The following DTD2 variants were observed in gnomAD, a reference collection of about 807,000 sequenced individuals.
The protein encoded by DTD2 is D-aminoacyl-tRNA deacylase 2.
In DTD2, 12 loss-of-function variants were observed where a neutral mutation model predicts 15.5. That is an observed-to-expected ratio of 0.77 (90% CI 0.50 to 1.25). The LOEUF is 1.25. Ranked by LOEUF, DTD2 falls within the 50% of genes most tolerant of loss-of-function variation. The probability of loss-of-function intolerance (pLI) is 0.00; values close to 1 mark genes in which losing one functional copy is unlikely to be tolerated. For missense variants in DTD2, 170 were observed against 201.1 expected (o/e 0.85, Z 0.93); for synonymous variants, 59 against 77.3 (o/e 0.76, Z 1.24).
intron 1 of DTD2, among the ~76,000 whole-genome samples, chr14:31,456,316 G>A (rs1249452040): frequency 6.6e-6 from 1 of 152,144 alleles, no homozygotes; most frequent in African/African-American, 2.4e-5. Flanking sequence ...AACCCGGGAG[G>A]CGGAGGTTGC....
At chr14:31,456,246 CGT>C (rs1401083476) in intron 1 of DTD2, among the ~76,000 whole-genome samples, 2 of 151,900 alleles carry the variant, frequency 1.3e-5, no homozygotes, top group Non-Finnish European at 2.9e-5. Flanking sequence ...TACAAGTTAG[CGT>C]GGTAGCTTGC....
rs1323904648 is a variant in DTD2, at chr14:31,453,355, T to C, written c.112-11A>G. On this transcript the variant is annotated splice_polypyrimidine_tract_variant and intron_variant, in intron 1 of 2. Coordinates refer to ENST00000310850, the MANE Select transcript of DTD2 (RefSeq NM_080664.3). Reference sequence around the variant, plus strand: ...CAGTCCTCTTTGGACCTATGAGAAATCACCACAGTAAACTCAGATTACAAC... The same window carrying C: ...CAGTCCTCTTTGGACCTATGAGAAACCACCACAGTAAACTCAGATTACAAC... 44 of 1,613,214 alleles carry C rather than the reference T, an allele frequency of 2.7e-5. No homozygotes were observed. The highest frequency in any genetic ancestry group is 3.7e-5 in the Non-Finnish European group (44 of 1,179,486).
intron 1 of DTD2, among the ~76,000 whole-genome samples, chr14:31,454,415 C>T (rs2032072789): frequency 6.6e-6 from 1 of 152,206 alleles, no homozygotes. Context: ...GCTCTGCACT[C>T]ACACGTGATT....
rs755435786 is a variant in DTD2, at chr14:31,453,050, G to T, written c.181+225C>A. Among the ~76,000 whole-genome samples the T allele has an allele frequency of 2.0e-5, 3 of 150,998 alleles. 1 individual carries two copies. The highest frequency in any genetic ancestry group is 7.3e-5 in the African/African-American group (3 of 41,038). ...CCTCCTGGCCTCAAGTAATCTTCCAGCCTCAGCCTCCTAAGTAGCTAGGAC... is the reference window on the plus strand; with the variant it reads ...CCTCCTGGCCTCAAGTAATCTTCCATCCTCAGCCTCCTAAGTAGCTAGGAC... On this transcript the variant is annotated intron_variant, in intron 2 of 2. Transcript: ENST00000310850.
chr14:31,446,494 A>G lies in DTD2; in HGVS notation c.*1635T>C, dbSNP rs1483360011. Reference sequence around the variant, plus strand: ...CTATCTTATATCACTGTCGTAGCTCAGACTGCCCTAACAAAATACCATAGG... The same window carrying G: ...CTATCTTATATCACTGTCGTAGCTCGGACTGCCCTAACAAAATACCATAGG... On this transcript the variant is annotated 3_prime_UTR_variant, in exon 3 of 3. Coordinates refer to ENST00000310850, the MANE Select transcript of DTD2 (RefSeq NM_080664.3). The G allele has an allele frequency of 6.6e-6, 1 of 152,208 alleles. No individual in the cohort carries two copies. Among genetic ancestry groups the G allele is most frequent in the East Asian group, 1.9e-4 (1 of 5,204 alleles). 9.4% of individuals were successfully genotyped at this position (152,208 alleles called of 1,614,324 possible). A position where few individuals can be genotyped will look rare whatever the true frequency, so the allele number is the denominator to read the frequency against.
chr14:31,455,017 A>G (rs2032079587), intron 1 of DTD2, among the ~76,000 whole-genome samples: 1 of 152,218 alleles, frequency 6.6e-6, no homozygotes, highest in African/African-American at 2.4e-5. Flanking sequence ...TTTTCTCACC[A>G]TCTAAATTAC....
intron 2 of DTD2, among the ~76,000 whole-genome samples, chr14:31,450,612 G>A (rs922566703): frequency 1.3e-5 from 2 of 152,162 alleles, no homozygotes; most frequent in Non-Finnish European, 2.9e-5. Flanking sequence ...TGCTGGAATA[G>A]AGGGAAGTAC....
chr14:31,456,623 T>G (rs2032097544), intron 1 of DTD2, among the ~76,000 whole-genome samples: 6 of 152,218 alleles, frequency 3.9e-5, no homozygotes, highest in South Asian at 4.1e-4. Context: ...AAAGAAAATT[T>G]TATTTGTTTT....
chr14:31,446,652 T>G lies in DTD2; in HGVS notation c.*1477A>C, dbSNP rs1051953038. ...GCTTATATGTTCCAGGATGGGATGG[T>G]TGGAGGAGCCCCATCTCCAGATACC... On this transcript the variant is annotated 3_prime_UTR_variant, in exon 3 of 3. Coordinates refer to ENST00000310850, the MANE Select transcript of DTD2 (RefSeq NM_080664.3). 5 of 152,234 alleles carry G rather than the reference T, an allele frequency of 3.3e-5. No homozygotes were observed. 9.4% of individuals were successfully genotyped at this position (152,234 alleles called of 1,614,324 possible). A position where few individuals can be genotyped will look rare whatever the true frequency, so the allele number is the denominator to read the frequency against.
chr14:31,446,774 A>G lies in DTD2; in HGVS notation c.*1355T>C, dbSNP rs1226079304. On this transcript the variant is annotated 3_prime_UTR_variant, in exon 3 of 3. Coordinates refer to ENST00000310850, the MANE Select transcript of DTD2 (RefSeq NM_080664.3). ...GAAAAATTGACACTGGCTCCATATC[A>G]TCAAGCAGATAATATGGAAATGAAC... 1 of 152,234 alleles carries G rather than the reference A, an allele frequency of 6.6e-6. No individual in the cohort carries two copies. The highest frequency in any genetic ancestry group is 2.4e-5 in the African/African-American group (1 of 41,446). 9.4% of individuals were successfully genotyped at this position (152,234 alleles called of 1,614,324 possible). A position where few individuals can be genotyped will look rare whatever the true frequency, so the allele number is the denominator to read the frequency against.
intron 2 of DTD2, 47 bp downstream of exon 2, chr14:31,453,228 A>G: frequency 6.3e-7 from 1 of 1,579,186 alleles, no homozygotes; most frequent in Non-Finnish European, 8.7e-7. Context: ...TGTGAGCACC[A>G]TGCTTGGCCT....
At chr14:31,457,051 G>A (rs370653175) in intron 1 of DTD2, 2 of 561,896 alleles carry the variant, frequency 3.6e-6, no homozygotes, top group Non-Finnish European at 3.2e-6. Context: ...CAAGAAGGGA[G>A]ACACGCTCTT....
rs767835016 is a variant in DTD2 at position 31,448,089 on chromosome 14, T to C, written c.*40A>G. ...AAAATCTAATTATACTTTAGATCAT[T>C]TCATACCAGAAAACAGCTATAGAAA... On this transcript the variant is annotated 3_prime_UTR_variant, in exon 3 of 3. Coordinates refer to ENST00000310850, the MANE Select transcript of DTD2 (RefSeq NM_080664.3). The C allele has an allele frequency of 3.4e-6, 5 of 1,476,844 alleles. No individual in the cohort carries two copies. The highest frequency in any genetic ancestry group is 4.6e-6 in the Non-Finnish European group (5 of 1,085,272). 91.5% of individuals were successfully genotyped at this position (1,476,844 alleles called of 1,614,324 possible). A position where few individuals can be genotyped will look rare whatever the true frequency, so the allele number is the denominator to read the frequency against.
In DTD2 at chr14:31,448,434, T is replaced by A. The variant is rs773589527; in HGVS notation, c.202A>T (p.Lys68Ter). ...PKMVNTLLNV[K>*]LSETENGKHV... The stretch of plus-strand genomic sequence containing the variant: ...TTGCCATTTTCTGTCTCACTTAATT[T>A]CACATTTAACAGTGTATTAACTGGG... Residue 68 changes from lysine (K) to a stop codon, truncating the protein, a stop_gained, in exon 3 of 3, where the codon AAA (lysine) becomes TAA (stop). Coordinates refer to ENST00000310850, the MANE Select transcript of DTD2 (RefSeq NM_080664.3). LOFTEE classifies it high-confidence loss of function. 1.1e-5 allele frequency: 18 copies of A among 1,612,760 alleles called. 1 individual carries two copies. In the South Asian group the frequency reaches 2.0e-4, roughly 18 times the overall value.
At chr14:31,456,690 A>C (rs1481572233) in intron 1 of DTD2, among the ~76,000 whole-genome samples, 4 of 152,204 alleles carry the variant, frequency 2.6e-5, no homozygotes, top group Non-Finnish European at 5.9e-5. Context: ...AAGTAGAAGG[A>C]ACTCATAGTG....
At chr14:31,456,859 C>T (rs76274519) in intron 1 of DTD2, among the ~76,000 whole-genome samples, 2,234 of 152,024 alleles carry the variant, frequency 0.015, 138 homozygotes, top group Admixed American at 0.1. Flanking sequence ...ATGCTAAGAC[C>T]AAGTCAACAT....
chr14:31,456,974 T>G (rs893958998), intron 1 of DTD2: 17 of 396,376 alleles, frequency 4.3e-5, no homozygotes, highest in Non-Finnish European at 7.4e-5. Context: ...GACCACGAGC[T>G]GCAAGGGGTC....
intron 2 of DTD2, chr14:31,452,151 C>T (rs896609133): frequency 1.3e-5 from 2 of 152,140 alleles, no homozygotes; most frequent in Non-Finnish European, 2.9e-5. Flanking sequence ...CCCAGGAGAA[C>T]CTTACATCTA....
intron 2 of DTD2, among the ~76,000 whole-genome samples, chr14:31,451,745 C>T (rs1410940153): frequency 6.6e-6 from 1 of 152,166 alleles, no homozygotes; most frequent in Admixed American, 6.5e-5. Context: ...GCTTCAACTG[C>T]CCATTTGTAT....
Sources: gnomAD v4.1 joint callset for allele counts (sites outside exome capture counted in the v4.1 genomes callset) on GRCh38, gnomAD v4.1.1 for gene constraint, MANE v1.5 for transcripts, NCBI Gene and HGNC (gene_info 2026-07-23, HGNC 2026-07-21) for gene names.